The following CLMP variants were observed in gnomAD, a reference collection of about 807,000 sequenced individuals.
CLMP encodes CXADR like cell adhesion molecule.
Under a neutral mutation model 45.2 loss-of-function variants are expected in CLMP, and 27 were observed. The ratio of observed to expected loss-of-function variants is 0.60; its 90% CI spans 0.44 to 0.82. The LOEUF (loss-of-function observed/expected upper bound fraction) is 0.82, where lower values mean the gene tolerates loss of function less well. CLMP is among the 40% of genes least tolerant of loss of function. The pLI is 0.00. For synonymous variants in CLMP, 167 were observed against 171.4 expected (o/e 0.97, Z 0.20); for missense variants, 403 against 448.4 (o/e 0.90, Z 0.91).
At chr11:123,159,182 G>A (rs900301753) in intron 1 of CLMP, among the ~76,000 whole-genome samples, 1 of 152,242 alleles carries the variant, frequency 6.6e-6, no homozygotes, top group African/African-American at 2.4e-5. Context: ...CTAAAATGGT[G>A]TTTGGAAAGC....
chr11:123,160,972 T>A (rs1342023768), intron 1 of CLMP, among the ~76,000 whole-genome samples: 1 of 145,134 alleles, frequency 6.9e-6, no homozygotes, highest in East Asian at 2.0e-4. Flanking sequence ...AGTGAGACCC[T>A]GCCTCAAAAA....
chr11:123,146,131 A>T (rs1285527535), intron 1 of CLMP, among the ~76,000 whole-genome samples: 1 of 152,234 alleles, frequency 6.6e-6, no homozygotes, highest in Non-Finnish European at 1.5e-5. Flanking sequence ...GGTAAGCTGC[A>T]GAACCAAGAT....
At chr11:123,114,497 G>A (rs1281092083) in intron 1 of CLMP, among the ~76,000 whole-genome samples, 4 of 136,404 alleles carry the variant, frequency 2.9e-5, no homozygotes, top group African/African-American at 8.2e-5. Context: ...AGATGGGGGA[G>A]TCTCACTGTG....
chr11:123,096,971 C>T (rs983083146), intron 2 of CLMP, among the ~76,000 whole-genome samples: 2 of 151,770 alleles, frequency 1.3e-5, no homozygotes, highest in African/African-American at 2.4e-5. Flanking sequence ...GCTTCAGCCT[C>T]GTGAGAAGCT....
chr11:123,150,451 GAAAGAAAGAAAGAAAGAAAGAAAGA>G, intron 1 of CLMP, among the ~76,000 whole-genome samples: 1 of 86,960 alleles, frequency 1.1e-5, no homozygotes, highest in Non-Finnish European at 2.4e-5. Flanking sequence ...AAGAAAGAAA[GAAAGAAAGAAAGAAAGAAAGAAAGA>G]AAGAAAGGAA....
At chr11:123,138,004 C>T (rs1040839448) in intron 1 of CLMP, among the ~76,000 whole-genome samples, 2 of 151,740 alleles carry the variant, frequency 1.3e-5, no homozygotes, top group Non-Finnish European at 2.9e-5. Flanking sequence ...CCCTCCCTCC[C>T]CCAAACCATA....
intron 2 of CLMP, among the ~76,000 whole-genome samples, chr11:123,088,124 G>A (rs1452321115): frequency 1.3e-5 from 2 of 151,994 alleles, no homozygotes; most frequent in Non-Finnish European, 2.9e-5. Context: ...TGGTCAGGCT[G>A]GTCTCGAACT....
At chr11:123,133,311 C>T (rs1337030592) in intron 1 of CLMP, among the ~76,000 whole-genome samples, 1 of 152,120 alleles carries the variant, frequency 6.6e-6, no homozygotes, top group Non-Finnish European at 1.5e-5. Context: ...ATCTTTGGCT[C>T]TGTCTAGGTC....
chr11:123,128,676 A>G (rs1860937787), intron 1 of CLMP, among the ~76,000 whole-genome samples: 1 of 152,170 alleles, frequency 6.6e-6, no homozygotes, highest in African/African-American at 2.4e-5. Flanking sequence ...AAAGAAAAAG[A>G]CTGCAAGTTA....
intron 1 of CLMP, among the ~76,000 whole-genome samples, chr11:123,125,471 C>T (rs113710153): frequency 5.3e-5 from 7 of 132,852 alleles, no homozygotes; most frequent in Non-Finnish European, 9.9e-5. Flanking sequence ...TCCCTCCTCC[C>T]TCCCTCCTCC....
chr11:123,167,452 A>AT (rs1290169220), intron 1 of CLMP, among the ~76,000 whole-genome samples: 2 of 151,834 alleles, frequency 1.3e-5, no homozygotes, highest in South Asian at 2.1e-4. Flanking sequence ...CGCCTGGCTA[A>AT]TTTTTTGTAT....
At chr11:123,127,676 A>G (rs76695767) in intron 1 of CLMP, among the ~76,000 whole-genome samples, 23,446 of 152,156 alleles carry the variant, frequency 0.15, 2,429 homozygotes, top group African/African-American at 0.29. Context: ...AGAAAATCAC[A>G]GACCAGTACC....
intron 1 of CLMP, among the ~76,000 whole-genome samples, chr11:123,141,012 C>T (rs571617513): frequency 1.3e-5 from 2 of 152,102 alleles, no homozygotes; most frequent in South Asian, 2.1e-4. Context: ...CCCTCTTTTG[C>T]CATGTGATAT....
At chr11:123,112,936 G>A (rs145666883) in intron 1 of CLMP, among the ~76,000 whole-genome samples, 1,917 of 147,030 alleles carry the variant, frequency 0.013, 40 homozygotes, top group African/African-American at 0.045. Context: ...ACCACGCCCT[G>A]CTAATTTTTT....
chr11:123,153,093 C>T (rs1481851627), intron 1 of CLMP, among the ~76,000 whole-genome samples: 1 of 152,184 alleles, frequency 6.6e-6, no homozygotes, highest in Non-Finnish European at 1.5e-5. Flanking sequence ...GAGTACAGAG[C>T]AGTGACATTA....
intron 1 of CLMP, among the ~76,000 whole-genome samples, chr11:123,107,186 A>G (rs1860572205): frequency 1.3e-5 from 2 of 151,248 alleles, no homozygotes; most frequent in Admixed American, 6.6e-5. Context: ...TCAGCCTCCC[A>G]AGTAGCTGGG....
rs1861963458 is a variant in CLMP at position 123,195,074 on chromosome 11, C to G, written c.-134G>C. The G allele has an allele frequency of 2.8e-6, 2 of 712,620 alleles. No homozygotes were observed. Among genetic ancestry groups the G allele is most frequent in the Admixed American group, 9.3e-5 (2 of 21,408 alleles). 44.1% of individuals were successfully genotyped at this position (712,620 alleles called of 1,614,324 possible). A position where few individuals can be genotyped will look rare whatever the true frequency, so the allele number is the denominator to read the frequency against. On this transcript the variant is annotated 5_prime_UTR_variant, in exon 1 of 7. Coordinates refer to ENST00000448775, the MANE Select transcript of CLMP (RefSeq NM_024769.5). ...GCGCGAGGTGGCTGCAGCCATGTGC[C>G]GGGCGGGAGCCGGCCCCGCGCCCCG...
chr11:123,168,371 C>T (rs1464618791), intron 1 of CLMP, among the ~76,000 whole-genome samples: 1 of 152,216 alleles, frequency 6.6e-6, no homozygotes, highest in Non-Finnish European at 1.5e-5. Context: ...TTCTTCCTAT[C>T]TACATCTGGA....
chr11:123,150,561 A>G (rs12284312), intron 1 of CLMP, among the ~76,000 whole-genome samples: 4 of 120,694 alleles, frequency 3.3e-5, no homozygotes, highest in Admixed American at 2.5e-4. Flanking sequence ...GGAAGGAAGG[A>G]AAGGAAGGAA....
Sources: gnomAD v4.1 joint callset for allele counts (sites outside exome capture counted in the v4.1 genomes callset) on GRCh38, gnomAD v4.1.1 for gene constraint, MANE v1.5 for transcripts, NCBI Gene and HGNC (gene_info 2026-07-23, HGNC 2026-07-21) for gene names.